The following SPMIP2 variants were observed in gnomAD, a reference collection of about 807,000 sequenced individuals.
The protein encoded by SPMIP2 is protein SPMIP2.
At chr4:158,904,818 ATAAGCAC>A in the SPMIP2 span, 152 of 407,556 alleles carry the variant, frequency 3.7e-4, no homozygotes, top group Non-Finnish European at 4.9e-4. Flanking sequence ...AGGAGGAAAC[ATAAGCAC>A]TAAACACTAA....
chr4:158,960,343 T>C, the SPMIP2 span: 6 of 1,548,678 alleles, frequency 3.9e-6, no homozygotes, highest in East Asian at 1.1e-4. Flanking sequence ...TAGTTCTTCA[T>C]ACTGTAAAAG....
the SPMIP2 span, among the ~76,000 whole-genome samples, chr4:159,046,216 G>A: frequency 6.7e-6 from 1 of 148,822 alleles, no homozygotes; most frequent in Non-Finnish European, 1.5e-5. Context: ...GTGACAGAGT[G>A]AGACCCTGTC....
At chr4:158,951,640 G>A in the SPMIP2 span, among the ~76,000 whole-genome samples, 1 of 152,126 alleles carries the variant, frequency 6.6e-6, no homozygotes, top group African/African-American at 2.4e-5. Context: ...AGAACAAAGA[G>A]GACACACACA....
At chr4:159,031,898 T>C in the SPMIP2 span, among the ~76,000 whole-genome samples, 1 of 152,178 alleles carries the variant, frequency 6.6e-6, no homozygotes, top group African/African-American at 2.4e-5. Flanking sequence ...TCATATCTAC[T>C]TCTTTGAAGT....
chr4:159,002,393 T>A, the SPMIP2 span, among the ~76,000 whole-genome samples: 2 of 152,318 alleles, frequency 1.3e-5, no homozygotes, highest in African/African-American at 4.8e-5. Context: ...TAATGGATCA[T>A]ACCATAGGTG....
chr4:159,042,808 A>G, the SPMIP2 span, among the ~76,000 whole-genome samples: 1 of 152,018 alleles, frequency 6.6e-6, no homozygotes, highest in African/African-American at 2.4e-5. Flanking sequence ...GACTACAGGC[A>G]TGCACCACCA....
chr4:159,043,315 T>C, the SPMIP2 span, among the ~76,000 whole-genome samples: 2 of 152,148 alleles, frequency 1.3e-5, no homozygotes, highest in Non-Finnish European at 2.9e-5. Context: ...TGCATTTTCA[T>C]AGTGGAATAG....
chr4:159,055,965 T>A, the SPMIP2 span, among the ~76,000 whole-genome samples: 2 of 152,172 alleles, frequency 1.3e-5, no homozygotes, highest in African/African-American at 4.8e-5. Flanking sequence ...TACTGAACAA[T>A]AAGTTATTCA....
At chr4:159,005,417 C>G in the SPMIP2 span, among the ~76,000 whole-genome samples, 1 of 152,066 alleles carries the variant, frequency 6.6e-6, no homozygotes, top group Non-Finnish European at 1.5e-5. Context: ...GCACCGCAGC[C>G]TGGGCAGCAA....
chr4:158,956,920 G>A, the SPMIP2 span, among the ~76,000 whole-genome samples: 4 of 152,020 alleles, frequency 2.6e-5, no homozygotes, highest in South Asian at 8.3e-4. Flanking sequence ...CCTGGCTGAT[G>A]TTTCTTTTTT....
chr4:159,034,692 G>A, the SPMIP2 span, among the ~76,000 whole-genome samples: 2 of 151,996 alleles, frequency 1.3e-5, no homozygotes, highest in Non-Finnish European at 2.9e-5. Flanking sequence ...GGAGTTCAAG[G>A]CCAGCCTGGC....
chr4:158,938,092 T>A, the SPMIP2 span, among the ~76,000 whole-genome samples: 1 of 152,230 alleles, frequency 6.6e-6, no homozygotes, highest in Non-Finnish European at 1.5e-5. Flanking sequence ...ATTATTTAAA[T>A]TTCTAAACAA....
the SPMIP2 span, among the ~76,000 whole-genome samples, chr4:158,957,573 C>G: frequency 6.6e-6 from 1 of 152,118 alleles, no homozygotes; most frequent in Non-Finnish European, 1.5e-5. Context: ...ATTACAGGCA[C>G]CCACTACTAC....
chr4:158,906,501 C>T, the SPMIP2 span: 566 of 152,222 alleles, frequency 3.7e-3, 7 homozygotes, highest in African/African-American at 0.013. Flanking sequence ...AGCTTTAAAT[C>T]GTTGATTCTA....
chr4:159,024,560 G>A, the SPMIP2 span, among the ~76,000 whole-genome samples: 16 of 152,032 alleles, frequency 1.1e-4, no homozygotes, highest in African/African-American at 3.9e-4. Flanking sequence ...CAAGGGAAAC[G>A]GACTCAAGGT....
chr4:159,049,993 T>A, the SPMIP2 span, among the ~76,000 whole-genome samples: 1 of 152,200 alleles, frequency 6.6e-6, no homozygotes, highest in African/African-American at 2.4e-5. Flanking sequence ...CTTGATAACA[T>A]GTCAAGTAAC....
chr4:158,971,063 C>T, the SPMIP2 span, among the ~76,000 whole-genome samples: 2 of 152,304 alleles, frequency 1.3e-5, no homozygotes, highest in South Asian at 4.1e-4. Flanking sequence ...TCACAGCTAT[C>T]ATCTCTTTTG....
At chr4:158,924,618 G>T in the SPMIP2 span, among the ~76,000 whole-genome samples, 2 of 152,094 alleles carry the variant, frequency 1.3e-5, no homozygotes, top group Non-Finnish European at 2.9e-5. Flanking sequence ...CTGACCTCAG[G>T]TGATCAAACT....
the SPMIP2 span, among the ~76,000 whole-genome samples, chr4:158,956,720 A>T: frequency 6.6e-6 from 1 of 152,178 alleles, no homozygotes; most frequent in Non-Finnish European, 1.5e-5. Flanking sequence ...TGCTGTATAC[A>T]CATGCTTTAC....
Sources: gnomAD v4.1 joint callset for allele counts (sites outside exome capture counted in the v4.1 genomes callset) on GRCh38, gnomAD v4.1.1 for gene constraint, MANE v1.5 for transcripts, NCBI Gene and HGNC (gene_info 2026-07-23, HGNC 2026-07-21) for gene names.